Variants in KIAA0319 observed in about 807,000 individuals in gnomAD.
KIAA0319 encodes dyslexia-associated protein KIAA0319.
A neutral mutation model predicts 108.4 loss-of-function variants in KIAA0319; 83 were observed. That is an observed-to-expected ratio of 0.77 (90% confidence interval 0.64 to 0.92). The LOEUF (loss-of-function observed/expected upper bound fraction) is 0.92, where lower values mean the gene tolerates loss of function less well. Among genes scored for constraint, KIAA0319 ranks in the 40% least tolerant of loss-of-function variants. The pLI, the probability that KIAA0319 is intolerant of heterozygous loss-of-function variation, is 0.00. For synonymous variants in KIAA0319, 484 were observed against 510.4 expected (o/e 0.95, Z 0.70); for missense variants, 1,195 against 1,322.4 (o/e 0.90, Z 1.49).
intron 1 of KIAA0319, among the ~76,000 whole-genome samples, chr6:24,603,867 G>A (rs532492701): frequency 2.0e-5 from 3 of 152,270 alleles, no homozygotes; most frequent in East Asian, 1.9e-4. Context: ...AGTGCCGCCC[G>A]TTGAAATGCA....
At chr6:24,543,320 T>C (rs1207073297), downstream of KIAA0319, among the ~76,000 whole-genome samples, 1 of 152,222 alleles carries the variant, frequency 6.6e-6, no homozygotes. Context: ...TATGGGTAAT[T>C]ATGTTTGTTC....
intron 1 of KIAA0319, among the ~76,000 whole-genome samples, chr6:24,605,532 A>G (rs1771275395): frequency 6.6e-6 from 1 of 152,234 alleles, no homozygotes; most frequent in Non-Finnish European, 1.5e-5. Flanking sequence ...GAATTTACAT[A>G]GAAAGCCTGT....
intron 3 of KIAA0319, among the ~76,000 whole-genome samples, chr6:24,589,864 T>C (rs1768185222): frequency 1.6e-5 from 1 of 62,984 alleles, no homozygotes; most frequent in Non-Finnish European, 3.6e-5. Context: ...TTATCCATTA[T>C]GTATAACCGA....
intron 1 of KIAA0319, among the ~76,000 whole-genome samples, chr6:24,642,071 A>AGGG (rs1776996518): frequency 1.7e-5 from 2 of 119,444 alleles, no homozygotes; most frequent in Non-Finnish European, 3.5e-5. Flanking sequence ...GGAGGGGAGG[A>AGGG]AGGAGAGAGA....
At position 24,601,095 on chromosome 6, in the gene KIAA0319, G is replaced by T. The variant is rs1770561167; in HGVS notation, c.9C>A (p.Pro3=). 2 of 1,613,988 alleles carry T rather than the reference G, an allele frequency of 1.2e-6. No homozygotes were observed. Among genetic ancestry groups the T allele is most frequent in the Non-Finnish European group, 1.7e-6 (2 of 1,180,028 alleles). Residue 3 remains proline (P), a synonymous_variant, in exon 2 of 21, where the codon CCC becomes CCA. Coordinates refer to ENST00000378214, the MANE Select transcript of KIAA0319 (RefSeq NM_014809.4). ...GCAATGAAGAGAGCACACCTGTGGG[G>T]GGCGCCATTGTGCACCACACAGTGG... is the stretch of plus-strand genomic sequence containing the variant. MA[P]PTGVLSSLLL...
intron 9 of KIAA0319, among the ~76,000 whole-genome samples, chr6:24,577,780 G>C (rs77678502): frequency 0.03 from 4,592 of 152,194 alleles, 212 homozygotes; most frequent in African/African-American, 0.1. Flanking sequence ...GCTGAGTCAG[G>C]ACACTTTTTG....
Position 24,599,387 on chromosome 6 carries a change from C to T in KIAA0319, c.55+1662G>A. On this transcript the variant is annotated intron_variant, in intron 2 of 20. Transcript: ENST00000378214. The surrounding 1 kb of genome is among the most constrained non-coding windows in gnomAD (Gnocchi z 4.1). ...ATGCGGAGAAGCGTGGGGAGCTGGC[C>T]ATTAAGGATGCCAATGCCAAGCTGT... 2 of 548,428 alleles carry T rather than the reference C, an allele frequency of 3.6e-6. No individual in the cohort carries two copies. The highest frequency in any genetic ancestry group is 3.5e-6 in the Non-Finnish European group (1 of 285,022). 34.0% of individuals were successfully genotyped at this position (548,428 alleles called of 1,614,324 possible). A position where few individuals can be genotyped will look rare whatever the true frequency, so the allele number is the denominator to read the frequency against.
chr6:24,599,312 G>A lies in KIAA0319; in HGVS notation c.55+1737C>T. 2.0e-6 allele frequency: 1 copy of A among 496,264 alleles called. No homozygotes were observed. 30.7% of individuals were successfully genotyped at this position (496,264 alleles called of 1,614,324 possible). A position where few individuals can be genotyped will look rare whatever the true frequency, so the allele number is the denominator to read the frequency against. Reference sequence around the variant, plus strand: ...AGAACATCAGCCGGCTCCAGACTGAGACTGAGGGCCTCAAAGGCTAGAGGG... The same window carrying A: ...AGAACATCAGCCGGCTCCAGACTGAAACTGAGGGCCTCAAAGGCTAGAGGG... On this transcript the variant is annotated intron_variant, in intron 2 of 20. Transcript: ENST00000378214. The surrounding 1 kb of genome is among the most constrained non-coding windows in gnomAD (Gnocchi z 4.1).
chr6:24,586,369 GAGT>G (rs1296229728), intron 4 of KIAA0319, among the ~76,000 whole-genome samples: 6 of 152,184 alleles, frequency 3.9e-5, no homozygotes, highest in Non-Finnish European at 7.3e-5. Flanking sequence ...TCTGAAAACA[GAGT>G]AGAAGTTACT....
In KIAA0319 at chr6:24,556,737, G is replaced by A; in HGVS notation, c.2735-8C>T. The A allele has an allele frequency of 1.9e-6, 3 of 1,612,746 alleles. No individual in the cohort carries two copies. Among genetic ancestry groups the A allele is most frequent in the Non-Finnish European group, 1.7e-6 (2 of 1,179,662 alleles). Reference sequence around the variant, plus strand: ...AACACTTCAGAAGGCAACCTGCAAAGAGGTGTGTAGGGCTGAGGGCAGCAT... The same window carrying A: ...AACACTTCAGAAGGCAACCTGCAAAAAGGTGTGTAGGGCTGAGGGCAGCAT... On this transcript the variant is annotated splice_polypyrimidine_tract_variant and splice_region_variant and intron_variant, in intron 17 of 20. Coordinates refer to ENST00000378214, the MANE Select transcript of KIAA0319 (RefSeq NM_014809.4).
intron 16 of KIAA0319, among the ~76,000 whole-genome samples, chr6:24,562,237 T>G (rs572794706): frequency 4.1e-4 from 62 of 152,380 alleles, no homozygotes; most frequent in African/African-American, 1.4e-3. Context: ...AGCTAAGGAT[T>G]TATCAATTTT....
At position 24,566,638 on chromosome 6, in the gene KIAA0319, A is replaced by G. The variant is rs771323736; in HGVS notation, c.2251T>C (p.Ser751Pro). ...SRSTDDQRIVSYLWIRDGQSP... is the reference protein window; with the variant it reads ...SRSTDDQRIVPYLWIRDGQSP... ...TGGCCATCCCGGATCCACAGATAGG[A>G]CACAATTCTTTGGTCATCAGTAGAC... The change falls in exon 14 of 21, where the codon TCC (serine) becomes CCC (proline). Residue 751 changes from serine to proline, a missense_variant. By Grantham distance (74) the Ser-to-Pro change is moderately conservative. Transcript: ENST00000378214. 1.7e-5 allele frequency: 27 copies of G among 1,613,092 alleles called. No individual in the cohort carries two copies. The highest frequency in any genetic ancestry group is 1.5e-4 in the Admixed American group (9 of 59,838).
intron 14 of KIAA0319, among the ~76,000 whole-genome samples, chr6:24,565,485 T>G (rs1449564434): frequency 6.6e-6 from 1 of 151,960 alleles, no homozygotes; most frequent in South Asian, 2.1e-4. Flanking sequence ...CTGGGCGCGG[T>G]GGCTCACGCC....
At chr6:24,557,636 C>A (rs1188855478) in intron 17 of KIAA0319, among the ~76,000 whole-genome samples, 1 of 152,160 alleles carries the variant, frequency 6.6e-6, no homozygotes, top group Non-Finnish European at 1.5e-5. Flanking sequence ...TTAAAACCAA[C>A]CCTAAAACCC....
rs73727987 is a variant in KIAA0319, at chr6:24,568,620, G to C, written c.2140+161C>G. On this transcript the variant is annotated intron_variant, in intron 13 of 20. Coordinates refer to ENST00000378214, the MANE Select transcript of KIAA0319 (RefSeq NM_014809.4). ...AGGGCGACTGAGAAACAGCTAACAT[G>C]AATAGAAGAAAGTTGGCTTTTTTTC... Among the ~76,000 whole-genome samples, 656 of 152,296 alleles carry C rather than the reference G, an allele frequency of 4.3e-3. 8 individuals are homozygous for C. Among genetic ancestry groups the C allele is most frequent in the African/African-American group, 0.015 (622 of 41,582 alleles).
chr6:24,643,697 T>A (rs1453699914), intron 1 of KIAA0319, among the ~76,000 whole-genome samples: 5 of 152,228 alleles, frequency 3.3e-5, no homozygotes, highest in Non-Finnish European at 7.3e-5. Context: ...TTTTAAGGTA[T>A]GAAAAATATT....
chr6:24,614,070 T>G (rs1156766177), intron 1 of KIAA0319, among the ~76,000 whole-genome samples: 1 of 152,220 alleles, frequency 6.6e-6, no homozygotes, highest in Non-Finnish European at 1.5e-5. Flanking sequence ...AAAGTAGCTG[T>G]GACCAATAAA....
intron 1 of KIAA0319, among the ~76,000 whole-genome samples, chr6:24,630,381 C>T (rs781502225): frequency 5.1e-4 from 73 of 143,782 alleles, no homozygotes; most frequent in Non-Finnish European, 9.6e-4. Context: ...TGGTGACATG[C>T]GCCTGTAATC....
intron 1 of KIAA0319, among the ~76,000 whole-genome samples, chr6:24,642,866 C>G (rs1471926219): frequency 6.6e-6 from 1 of 152,124 alleles, no homozygotes; most frequent in Admixed American, 6.5e-5. Flanking sequence ...CACCACTATG[C>G]CTGGCTAATT....
Sources: gnomAD v4.1 joint callset for allele counts (sites outside exome capture counted in the v4.1 genomes callset) on GRCh38, gnomAD v4.1.1 for gene constraint, Gnocchi (gnomAD v3.1) non-coding constraint, MANE v1.5 for transcripts, NCBI Gene and HGNC (gene_info 2026-07-23, HGNC 2026-07-21) for gene names.